SETD1B: variants seen among roughly 807,000 people sequenced by gnomAD.
SETD1B encodes SET domain containing 1B, histone lysine methyltransferase.
In SETD1B, 7 loss-of-function variants were observed where a neutral mutation model predicts 148.0. The observed-to-expected ratio is 0.05, with a 90% confidence interval of 0.03 to 0.09. SETD1B has a LOEUF of 0.09. SETD1B is among the 10% of genes least tolerant of loss of function. SETD1B has a pLI of 1.00. For synonymous variants in SETD1B, 1,361 were observed against 1,186.5 expected (o/e 1.15, Z -3.02); for missense variants, 2,155 against 2,729.9 (o/e 0.79, Z 4.69).
chr12:121,817,151 AGGGCCT>A lies in SETD1B; in HGVS notation c.2845_2850del (p.Leu949_Gly950del). On this transcript the variant is annotated inframe_deletion, in exon 8 of 17. Transcript: ENST00000604567. The surrounding 1 kb of genome is among the most constrained non-coding windows in gnomAD (Gnocchi z 8.1). The stretch of plus-strand genomic sequence containing the variant: ...GGCAAGGGCGAGGGCCTGGGCTACG[AGGGCCT>A]GGGCCTGGGCATTGGGCTGCGTGGG... The A allele has an allele frequency of 3.9e-6, 6 of 1,549,204 alleles. No individual in the cohort carries two copies. Among genetic ancestry groups the A allele is most frequent in the Non-Finnish European group, 4.4e-6 (5 of 1,146,898 alleles).
At chr12:121,793,665 G>A in the SETD1B span, 37 of 1,509,226 alleles carry the variant, frequency 2.5e-5, no homozygotes, top group African/African-American at 5.0e-4. Context: ...GCGGCGGCGC[G>A]CCGGGCACTA....
intron 7 of SETD1B, among the ~76,000 whole-genome samples, chr12:121,815,680 G>A (rs979123636): frequency 3.9e-5 from 6 of 151,914 alleles, no homozygotes; most frequent in African/African-American, 1.5e-4. Flanking sequence ...CAGCTAATTT[G>A]TGTGTTTTTC....
chr12:121,815,823 C>CT (rs994063316), intron 7 of SETD1B, among the ~76,000 whole-genome samples: 2,300 of 118,102 alleles, frequency 0.019, 39 homozygotes, highest in African/African-American at 0.036. Context: ...TCTTTTCTTT[C>CT]TTTTTTTTTT....
At chr12:121,794,792 A>T in the SETD1B span, among the ~76,000 whole-genome samples, 1 of 151,760 alleles carries the variant, frequency 6.6e-6, no homozygotes, top group Non-Finnish European at 1.5e-5. Context: ...CCCCCCCTGG[A>T]GCCGGTCCAC....
chr12:121,812,214 C>A (rs1876067904), intron 6 of SETD1B, among the ~76,000 whole-genome samples: 1 of 152,092 alleles, frequency 6.6e-6, no homozygotes. Context: ...GGAGCTGGAC[C>A]CCGTCCCATC....
chr12:121,806,191 C>T, intron 4 of SETD1B, 86 bp downstream of exon 4: 3 of 1,423,096 alleles, frequency 2.1e-6, no homozygotes, highest in Non-Finnish European at 1.9e-6. Context: ...GGGAGGACCC[C>T]CCCTCACTCT....
intron 10 of SETD1B, among the ~76,000 whole-genome samples, 152 bp from the exon 11 acceptor site, chr12:121,819,252 A>G (rs997518284): frequency 6.6e-6 from 1 of 152,140 alleles, no homozygotes. Flanking sequence ...AAAAAGAAAA[A>G]AAAGACTCCT....
chr12:121,828,098 G>GC (rs1876925905), intron 16 of SETD1B, 28 bp downstream of exon 16: 1 of 1,549,282 alleles, frequency 6.5e-7, no homozygotes, highest in Non-Finnish European at 8.7e-7. Context: ...GGTGGCCCCT[G>GC]CCCCTGCTCC....
chr12:121,829,978 G>A (rs1296695312), intron 16 of SETD1B, 88 bp from the exon 17 acceptor site: 2 of 1,293,946 alleles, frequency 1.5e-6, no homozygotes, highest in East Asian at 2.6e-5. Context: ...CAGGCCTTAA[G>A]CACAGGCCTG....
In SETD1B at chr12:121,819,384, C is replaced by G; in HGVS notation, c.3419-20C>G. 1.3e-6 allele frequency: 2 copies of G among 1,551,280 alleles called. No homozygotes were observed. Among genetic ancestry groups the G allele is most frequent in the South Asian group, 1.2e-5 (1 of 83,950 alleles). The stretch of plus-strand genomic sequence containing the variant: ...CACAGCGGGTCCTCAGGCAGCCCCT[C>G]GTCTGTGTCCCCCATCCAGAGGAGA... On this transcript the variant is annotated intron_variant, in intron 10 of 16. Coordinates refer to ENST00000604567, the MANE Select transcript of SETD1B (RefSeq NM_001353345.2).
rs775255325 is a variant in SETD1B, at chr12:121,822,587, A to C, written c.4008A>C (p.Pro1336=). Residue 1336 remains proline (P), a synonymous_variant, in exon 12 of 17, where the codon CCA becomes CCC. Coordinates refer to ENST00000604567, the MANE Select transcript of SETD1B (RefSeq NM_001353345.2). Reference sequence around the variant, plus strand: ...CACGACCACCCCGGCCACCCAGCCCACCGCCGGAGCCTGAGACCACAGATG... The same window carrying C: ...CACGACCACCCCGGCCACCCAGCCCCCCGCCGGAGCCTGAGACCACAGATG... ...PPPRPPRPPS[P]PPEPETTDAS... is the part of the protein sequence containing the mutation. The C allele has an allele frequency of 6.5e-7, 1 of 1,549,366 alleles. No homozygotes were observed. Among genetic ancestry groups the C allele is most frequent in the Non-Finnish European group, 8.7e-7 (1 of 1,145,992 alleles).
the SETD1B span, among the ~76,000 whole-genome samples, chr12:121,795,033 A>G: frequency 6.6e-6 from 1 of 152,272 alleles, no homozygotes; most frequent in South Asian, 2.1e-4. Context: ...TTCGTGGAGG[A>G]AAACCGCCAA....
In SETD1B at chr12:121,804,881, C is replaced by T. The variant is rs764034236; in HGVS notation, c.144C>T (p.Tyr48=). ...TGAAAAAGGGGCATCATAAACTGTA[C>T]CGCTACGATGGGCAGCATTTCAGCC... ...PALKKGHHKL[Y]RYDGQHFSLA... Residue 48 remains tyrosine (Y), a synonymous_variant, in exon 2 of 17, where the codon TAC becomes TAT. Coordinates refer to ENST00000604567, the MANE Select transcript of SETD1B (RefSeq NM_001353345.2). This position sits in a 1 kb window ranked among gnomAD's most constrained non-coding sequence, Gnocchi z 4.6. 2.3e-5 allele frequency: 36 copies of T among 1,540,212 alleles called. No individual in the cohort carries two copies. Among genetic ancestry groups the T allele is most frequent in the Non-Finnish European group, 2.9e-5 (33 of 1,142,146 alleles).
chr12:121,793,760 C>T, the SETD1B span: 4 of 797,926 alleles, frequency 5.0e-6, no homozygotes, highest in Admixed American at 1.6e-4. Context: ...GGCAGCCTCC[C>T]GGCCGACCTC....
chr12:121,817,484 G>C lies in SETD1B; in HGVS notation c.3092G>C (p.Ser1031Thr). The C allele has an allele frequency of 6.4e-7, 1 of 1,551,100 alleles. No homozygotes were observed. The highest frequency in any genetic ancestry group is 8.7e-7 in the Non-Finnish European group (1 of 1,146,712). Reference protein sequence around the residue: ...RRPARPLELDSGGEEDEKESL... With the variant: ...RRPARPLELDTGGEEDEKESL... ...CCGGCGCGGCCTCTGGAGCTGGACA[G>C]TGGTGGGGAGGAGGACGAGAAGGAG... Residue 1031 changes from serine (S) to threonine (T), a missense_variant, in exon 9 of 17, where the codon AGT becomes ACT. Around this residue, in one of 11 missense-constraint regions of SETD1B, gnomAD observed 289 missense variants for 423.7 expected, o/e 0.68. Coordinates refer to ENST00000604567, the MANE Select transcript of SETD1B (RefSeq NM_001353345.2). The surrounding 1 kb of genome is among the most constrained non-coding windows in gnomAD (Gnocchi z 8.1).
At chr12:121,821,065 C>A (rs986180572) in intron 11 of SETD1B, among the ~76,000 whole-genome samples, 1 of 152,064 alleles carries the variant, frequency 6.6e-6, no homozygotes, top group African/African-American at 2.4e-5. Context: ...GTGTTAGAAC[C>A]AATTCTCTGT....
At chr12:121,820,674 C>T (rs1396972842) in intron 11 of SETD1B, among the ~76,000 whole-genome samples, 2 of 152,206 alleles carry the variant, frequency 1.3e-5, no homozygotes, top group Admixed American at 6.6e-5. Flanking sequence ...GCTGGGACTA[C>T]AGGCACTCGC....
At chr12:121,825,960 T>C (rs1876820583) in intron 13 of SETD1B, among the ~76,000 whole-genome samples, 1 of 152,192 alleles carries the variant, frequency 6.6e-6, no homozygotes, top group African/African-American at 2.4e-5. Flanking sequence ...TCATTCTTTT[T>C]TTAATCCAGT....
In SETD1B at chr12:121,832,427, T is replaced by C. The variant is rs968997656; in HGVS notation, c.*2188T>C. The C allele has an allele frequency of 6.5e-6, 1 of 153,236 alleles. No homozygotes were observed. The highest frequency in any genetic ancestry group is 1.5e-5 in the Non-Finnish European group (1 of 68,578). The allele number at this position is 153,236 out of a possible 1,614,324, so 9.5% of individuals were successfully genotyped here. A position where few individuals can be genotyped will look rare whatever the true frequency, so the allele number is the denominator to read the frequency against. On this transcript the variant is annotated 3_prime_UTR_variant, in exon 17 of 17. Coordinates refer to ENST00000604567, the MANE Select transcript of SETD1B (RefSeq NM_001353345.2). ...TTTCAAGAGTTGGGGGTTTCTGCTATTTTTTGCTTTCTCTCCCTCCCCCTG... is the reference window on the plus strand; with the variant it reads ...TTTCAAGAGTTGGGGGTTTCTGCTACTTTTTGCTTTCTCTCCCTCCCCCTG...
Sources: allele counts gnomAD v4.1 joint callset (sites outside exome capture counted in the v4.1 genomes callset), GRCh38; gene constraint gnomAD v4.1.1; regional missense constraint gnomAD v4.1.1; non-coding constraint Gnocchi (gnomAD v3.1); transcripts MANE v1.5; gene names NCBI Gene and HGNC (gene_info 2026-07-23, HGNC 2026-07-21).